The following RSPO3 variants were observed in gnomAD, a reference collection of about 807,000 sequenced individuals.
The protein encoded by RSPO3 is R-spondin-3.
Under a neutral mutation model 36.5 loss-of-function variants are expected in RSPO3, and 17 were observed. That is an observed-to-expected ratio of 0.47 (90% CI 0.32 to 0.70). RSPO3 has a LOEUF of 0.70. RSPO3 is among the 30% of genes least tolerant of loss of function. The pLI is 0.04. For synonymous variants in RSPO3, 108 were observed against 107.0 expected (o/e 1.01, Z -0.06); for missense variants, 294 against 322.5 (o/e 0.91, Z 0.68).
chr6:127,164,985 A>C (rs560789227), intron 4 of RSPO3, among the ~76,000 whole-genome samples: 2 of 152,234 alleles, frequency 1.3e-5, no homozygotes, highest in Non-Finnish European at 2.9e-5. Flanking sequence ...CAAAACATGT[A>C]CATCTGTAAG....
chr6:127,171,191 T>A (rs1043540068), intron 4 of RSPO3, among the ~76,000 whole-genome samples: 1 of 151,834 alleles, frequency 6.6e-6, no homozygotes, highest in Non-Finnish European at 1.5e-5. Context: ...GTTATAATCA[T>A]GGTAAAATCT....
chr6:127,172,134 A>ACCTT (rs1554222014), intron 4 of RSPO3, among the ~76,000 whole-genome samples: 5 of 149,498 alleles, frequency 3.3e-5, no homozygotes, highest in Non-Finnish European at 6.0e-5. Context: ...ATGAAACTCT[A>ACCTT]TACACTGAAA....
chr6:127,128,060 G>A (rs1773972647), intron 1 of RSPO3, among the ~76,000 whole-genome samples: 1 of 152,034 alleles, frequency 6.6e-6, no homozygotes, highest in African/African-American at 2.4e-5. Context: ...CATCTATGGT[G>A]CGCGTAACCA....
intron 1 of RSPO3, among the ~76,000 whole-genome samples, chr6:127,135,211 A>G (rs1001871278): frequency 6.6e-6 from 1 of 151,832 alleles, no homozygotes; most frequent in Non-Finnish European, 1.5e-5. Context: ...TACGAGGTCA[A>G]GAGATCGAGA....
chr6:127,153,837 C>CT (rs1774538625), intron 3 of RSPO3, among the ~76,000 whole-genome samples: 1 of 151,942 alleles, frequency 6.6e-6, no homozygotes, highest in South Asian at 2.1e-4. Context: ...GGATACACTA[C>CT]TTTTTAATGA....
Position 127,165,288 on chromosome 6 carries a change from A to G in RSPO3, c.634+9850A>G, listed in dbSNP as rs534179987. 2.6e-5 allele frequency among the ~76,000 whole-genome samples: 4 copies of G among 152,206 alleles called. No homozygotes were observed. In the South Asian group the frequency reaches 6.2e-4, roughly 24 times the overall value. ...TTCATAATGTAATTAGTAGAATACA[A>G]TTTAGATGGCTAATTATTTCTTATG... On this transcript the variant is annotated intron_variant, in intron 4 of 4. Transcript: ENST00000356698.
intron 3 of RSPO3, among the ~76,000 whole-genome samples, chr6:127,153,110 G>A (rs1035185117): frequency 1.8e-4 from 27 of 152,164 alleles, no homozygotes; most frequent in Admixed American, 4.6e-4. Flanking sequence ...CCCAGGGACC[G>A]GAGCTCATTA....
intron 4 of RSPO3, among the ~76,000 whole-genome samples, chr6:127,179,370 A>G (rs1775134567): frequency 6.6e-6 from 1 of 151,858 alleles, no homozygotes; most frequent in South Asian, 2.1e-4. Flanking sequence ...CATCTTATCA[A>G]TAAATTCACC....
At chr6:127,124,490 C>T (rs1773902610) in intron 1 of RSPO3, among the ~76,000 whole-genome samples, 1 of 151,580 alleles carries the variant, frequency 6.6e-6, no homozygotes, top group African/African-American at 2.4e-5. Flanking sequence ...TTTCTTCTAA[C>T]AGTGCATTAT....
At chr6:127,165,270 T>C (rs1469010725) in intron 4 of RSPO3, among the ~76,000 whole-genome samples, 1 of 152,058 alleles carries the variant, frequency 6.6e-6, no homozygotes, top group Non-Finnish European at 1.5e-5. Context: ...GTTTTCATAA[T>C]GTAATTAGTA....
At chr6:127,164,031 T>C (rs544738136) in intron 4 of RSPO3, among the ~76,000 whole-genome samples, 1 of 152,162 alleles carries the variant, frequency 6.6e-6, no homozygotes, top group African/African-American at 2.4e-5. Flanking sequence ...TTTCTCCATT[T>C]AGGAGGAAAG....
At chr6:127,189,144 A>G (rs113826093) in intron 4 of RSPO3, among the ~76,000 whole-genome samples, 2,102 of 152,214 alleles carry the variant, frequency 0.014, 28 homozygotes, top group Non-Finnish European at 0.023. Flanking sequence ...TATTCTTACT[A>G]TTTTTAAAAA....
chr6:127,181,810 G>T (rs778984424), intron 4 of RSPO3, among the ~76,000 whole-genome samples: 3 of 151,832 alleles, frequency 2.0e-5, no homozygotes, highest in Non-Finnish European at 2.9e-5. Flanking sequence ...GGAGATAAGG[G>T]AATGGCTTAT....
At chr6:127,157,806 T>C (rs967509533) in intron 4 of RSPO3, among the ~76,000 whole-genome samples, 2 of 151,870 alleles carry the variant, frequency 1.3e-5, no homozygotes, top group Non-Finnish European at 2.9e-5. Flanking sequence ...AAACTACAGG[T>C]AGGAAGAAAA....
chr6:127,192,947 G>A (rs1470668042), intron 4 of RSPO3, among the ~76,000 whole-genome samples: 3 of 152,036 alleles, frequency 2.0e-5, no homozygotes, highest in African/African-American at 4.8e-5. Flanking sequence ...CAAATTACAC[G>A]TGATTTTTAA....
At position 127,148,719 on chromosome 6, in the gene RSPO3, T is replaced by C; in HGVS notation, c.169T>C (p.Cys57Arg). 6.2e-7 allele frequency: 1 copy of C among 1,613,292 alleles called. No homozygotes were observed. Among genetic ancestry groups the C allele is most frequent in the Non-Finnish European group, 8.5e-7 (1 of 1,179,458 alleles). ...CTCAGATTACAATGGATGTTTGTCA[T>C]GTAAGCCCAGACTATTTTTTGCTCT... ...TCSDYNGCLS[C>R]KPRLFFALER... is the part of the protein sequence containing the mutation. The change falls in exon 2 of 5, where the codon TGT (cysteine) becomes CGT (arginine). Residue 57 changes from cysteine (C) to arginine (R), a missense_variant. Transcript: ENST00000356698.
intron 4 of RSPO3, among the ~76,000 whole-genome samples, chr6:127,180,487 C>CAAAAAAAAAAA (rs71543112): frequency 8.2e-4 from 35 of 42,634 alleles, no homozygotes; most frequent in East Asian, 9.2e-4. Flanking sequence ...TGGAAGAAAA[C>CAAAAAAAAAAA]AAAAAAAAAA....
chr6:127,155,442 C>A lies in RSPO3; in HGVS notation c.634+4C>A. Reference sequence around the variant, plus strand: ...AAGTGTCAGAAGGGAGAACGAGGTACAATCATAATAACAAAATGTGCTTGT... The same window carrying A: ...AAGTGTCAGAAGGGAGAACGAGGTAAAATCATAATAACAAAATGTGCTTGT... On this transcript the variant is annotated splice_donor_region_variant and intron_variant, in intron 4 of 4. Transcript: ENST00000356698. 1 of 1,611,432 alleles carries A rather than the reference C, an allele frequency of 6.2e-7. No homozygotes were observed.
intron 1 of RSPO3, among the ~76,000 whole-genome samples, chr6:127,125,759 T>C (rs1022925343): frequency 6.6e-6 from 1 of 152,078 alleles, no homozygotes. Context: ...CTGAAAACCA[T>C]AGTCACAGCA....
Sources: allele counts gnomAD v4.1 joint callset (sites outside exome capture counted in the v4.1 genomes callset), GRCh38; gene constraint gnomAD v4.1.1; transcripts MANE v1.5; gene names NCBI Gene and HGNC (gene_info 2026-07-23, HGNC 2026-07-21).